Variants in SEC14L2 observed in about 807,000 individuals in gnomAD.
SEC14L2 encodes SEC14 like lipid binding 2.
A neutral mutation model predicts 56.9 loss-of-function variants in SEC14L2; 50 were observed. The observed-to-expected ratio is 0.88, with a 90% CI of 0.70 to 1.11. The LOEUF is 1.11. Among genes scored for constraint, SEC14L2 ranks in the 50% most tolerant of loss-of-function variants. The pLI is 0.00. For synonymous variants in SEC14L2, 179 were observed against 188.5 expected (o/e 0.95, Z 0.41); for missense variants, 414 against 500.7 (o/e 0.83, Z 1.65).
In SEC14L2 at chr22:30,407,622, C is replaced by G. The variant is rs1358015317; in HGVS notation, c.423+19C>G. On this transcript the variant is annotated intron_variant, in intron 5 of 11. Transcript: ENST00000615189. The stretch of plus-strand genomic sequence containing the variant: ...CACAAAGGTGAGTGGACCACCATGG[C>G]TAGAAATGAGTTGACCACAGCAGAG... The G allele has an allele frequency of 6.2e-7, 1 of 1,607,266 alleles. No individual in the cohort carries two copies. Among genetic ancestry groups the G allele is most frequent in the East Asian group, 2.2e-5 (1 of 44,734 alleles).
intron 5 of SEC14L2, 79 bp from the exon 6 acceptor site, chr22:30,409,108 G>GC (rs752492537): frequency 8.2e-7 from 1 of 1,217,854 alleles, no homozygotes; most frequent in Admixed American, 1.7e-5. Flanking sequence ...GATGCACAGT[G>GC]CAATCATTTG....
chr22:30,407,674 C>A, intron 5 of SEC14L2, 71 bp downstream of exon 5: 3 of 1,357,188 alleles, frequency 2.2e-6, no homozygotes, highest in South Asian at 1.3e-5. Flanking sequence ...AGGGATGTCA[C>A]ACAGGAATAT....
chr22:30,409,226 T>C lies in SEC14L2; in HGVS notation c.463T>C (p.Cys155Arg), dbSNP rs1934182067. ...GGAGACCATCACCATAATTTATGACTGCGAGGGGCTTGGCCTCAAGCATCT... is the reference window on the plus strand; with the variant it reads ...GGAGACCATCACCATAATTTATGACCGCGAGGGGCTTGGCCTCAAGCATCT... Reference protein sequence around the residue: ...KVETITIIYDCEGLGLKHLWK... With the variant: ...KVETITIIYDREGLGLKHLWK... Residue 155 changes from cysteine (C) to arginine (R), a missense_variant, in exon 6 of 12, where the codon TGC (cysteine) becomes CGC (arginine). Transcript: ENST00000615189. 6.2e-7 allele frequency: 1 copy of C among 1,613,088 alleles called. No individual in the cohort carries two copies. Among genetic ancestry groups the C allele is most frequent in the African/African-American group, 1.3e-5 (1 of 74,662 alleles).
chr22:30,416,773 G>T, intron 11 of SEC14L2: 2 of 1,246,606 alleles, frequency 1.6e-6, no homozygotes, highest in South Asian at 2.2e-5. Context: ...GGCTGGGTGG[G>T]CATGGGATCA....
chr22:30,399,777 G>T, intron 2 of SEC14L2, 59 bp downstream of exon 2: 1 of 1,476,982 alleles, frequency 6.8e-7, no homozygotes, highest in Non-Finnish European at 9.3e-7. Context: ...CAACAGAATA[G>T]CACCCTCTGA....
intron 1 of SEC14L2, 59 bp from the exon 2 acceptor site, chr22:30,399,584 A>G (rs1480747332): frequency 1.0e-5 from 13 of 1,269,282 alleles, no homozygotes; most frequent in Non-Finnish European, 1.3e-5. Context: ...GGAGAGTCCT[A>G]GGCAGAGGGC....
chr22:30,419,122 G>C (rs528894875), intron 11 of SEC14L2, among the ~76,000 whole-genome samples: 1 of 152,320 alleles, frequency 6.6e-6, no homozygotes, highest in South Asian at 2.1e-4. Context: ...ACTATAGAAA[G>C]GGTGAGCAGT....
intron 2 of SEC14L2, among the ~76,000 whole-genome samples, chr22:30,402,258 T>C (rs777498063): frequency 9.9e-5 from 15 of 152,136 alleles, no homozygotes; most frequent in Non-Finnish European, 2.2e-4. Flanking sequence ...AGTAGCCTTC[T>C]TAAAGGGCCA....
At chr22:30,404,271 T>C (rs1934030571) in intron 2 of SEC14L2, among the ~76,000 whole-genome samples, 3 of 152,300 alleles carry the variant, frequency 2.0e-5, no homozygotes, top group Non-Finnish European at 4.4e-5. Context: ...TGTCCCATGC[T>C]GCCATGGCAG....
chr22:30,398,693 T>C (rs1476324231), intron 1 of SEC14L2: 7 of 471,478 alleles, frequency 1.5e-5, no homozygotes, highest in Non-Finnish European at 2.6e-5. Context: ...ACAAATGCCA[T>C]GTTTTATAGG....
chr22:30,421,188 CACACAT>C (rs897586837), intron 11 of SEC14L2: 4 of 151,828 alleles, frequency 2.6e-5, no homozygotes, highest in African/African-American at 7.3e-5. Context: ...CACACACACA[CACACAT>C]ATTCACAGGA....
chr22:30,407,088 T>C lies in SEC14L2; in HGVS notation c.175-7T>C. 1 of 1,613,666 alleles carries C rather than the reference T, an allele frequency of 6.2e-7. No individual in the cohort carries two copies. The highest frequency in any genetic ancestry group is 8.5e-7 in the Non-Finnish European group (1 of 1,179,820). On this transcript the variant is annotated splice_polypyrimidine_tract_variant and splice_region_variant and intron_variant, in intron 3 of 11. Transcript: ENST00000615189. The stretch of plus-strand genomic sequence containing the variant: ...CTTTTAAAAATTTCCCCATTGTATC[T>C]TTGTAGCATGTGGAGTTCCGAAAGC...
chr22:30,415,704 G>T, intron 8 of SEC14L2, 55 bp from the exon 9 acceptor site: 1 of 1,513,882 alleles, frequency 6.6e-7, no homozygotes, highest in South Asian at 1.1e-5. Context: ...GGGTTATGGC[G>T]AAATCTTACC....
chr22:30,397,277 C>A, intron 1 of SEC14L2, 107 bp downstream of exon 1: 1 of 1,077,278 alleles, frequency 9.3e-7, no homozygotes, highest in South Asian at 1.7e-5. Context: ...CCGTGGCGGG[C>A]GGCGGAGGGA....
At position 30,425,063 on chromosome 22, in the gene SEC14L2, T is replaced by C. The variant is rs1184562592; in HGVS notation, c.*2656T>C. The stretch of plus-strand genomic sequence containing the variant: ...CTCACCGTTCACTCCTCTAGCCTCA[T>C]TTAGAGCTCGCATTAAGAGCACGGG... On this transcript the variant is annotated 3_prime_UTR_variant, in exon 12 of 12. Transcript: ENST00000615189. 3.4e-6 allele frequency: 1 copy of C among 295,972 alleles called. No homozygotes were observed. Among genetic ancestry groups the C allele is most frequent in the African/African-American group, 2.2e-5 (1 of 45,304 alleles). 18.3% of individuals were successfully genotyped at this position (295,972 alleles called of 1,614,324 possible).
intron 1 of SEC14L2, 26 bp from the exon 2 acceptor site, chr22:30,399,617 A>C: frequency 1.2e-6 from 2 of 1,601,600 alleles, no homozygotes; most frequent in Non-Finnish European, 1.7e-6. Context: ...GGGCCCTACC[A>C]CTCACCCCGA....
intron 1 of SEC14L2, chr22:30,397,879 G>A: frequency 2.1e-6 from 1 of 471,120 alleles, no homozygotes. Flanking sequence ...AGGTGAGCCT[G>A]GCTTTGCCTT....
In SEC14L2 at chr22:30,409,272, C is replaced by T. The variant is rs1267233099; in HGVS notation, c.509C>T (p.Ala170Val). 1 of 1,613,310 alleles carries T rather than the reference C, an allele frequency of 6.2e-7. No homozygotes were observed. The highest frequency in any genetic ancestry group is 1.7e-5 in the Admixed American group (1 of 59,964). The part of the protein sequence containing the change: ...LKHLWKPAVE[A>V]YGEFLCMFEE... ...CATCTCTGGAAGCCTGCTGTGGAGG[C>T]CTATGGAGAGGTGAGGGGCAGGGGT... Residue 170 changes from alanine (A) to valine (V), a missense_variant, in exon 6 of 12, where the codon GCC becomes GTC. By Grantham distance (64) the Ala-to-Val change is moderately conservative. Coordinates refer to ENST00000615189, the MANE Select transcript of SEC14L2 (RefSeq NM_012429.5).
chr22:30,409,395 G>A (rs775784985), intron 6 of SEC14L2, 31 bp from the exon 7 acceptor site: 1 of 1,612,728 alleles, frequency 6.2e-7, no homozygotes, highest in South Asian at 1.1e-5. Flanking sequence ...TTCTGAGCCT[G>A]CTGGAATCAA....
Sources: gnomAD v4.1 joint callset for allele counts (sites outside exome capture counted in the v4.1 genomes callset) on GRCh38, gnomAD v4.1.1 for gene constraint, MANE v1.5 for transcripts, NCBI Gene and HGNC (gene_info 2026-07-23, HGNC 2026-07-21) for gene names.